The following MDGA2 variants were observed in gnomAD, a reference collection of about 807,000 sequenced individuals.
MDGA2 encodes MAM domain-containing glycosylphosphatidylinositol anchor protein 2.
MDGA2 carries 40 observed loss-of-function variants against 117.8 expected under a neutral mutation model. The ratio of observed to expected loss-of-function variants is 0.34; its 90% CI spans 0.26 to 0.44. MDGA2 has a LOEUF of 0.44. MDGA2 is among the 20% of genes least tolerant of loss of function. The pLI, the probability that MDGA2 is intolerant of heterozygous loss-of-function variation, is 1.00. For synonymous variants in MDGA2, 452 were observed against 439.0 expected (o/e 1.03, Z -0.37); for missense variants, 1,123 against 1,250.6 (o/e 0.90, Z 1.54).
rs192453660 is a variant in MDGA2, at chr14:47,663,349, A to G, written c.280+11168T>C. 5.4e-4 allele frequency among the ~76,000 whole-genome samples: 82 copies of G among 152,316 alleles called. 1 individual carries two copies. The highest frequency in any genetic ancestry group is 1.5e-4 in the Non-Finnish European group (10 of 68,016). On this transcript the variant is annotated intron_variant, in intron 1 of 16. Transcript: ENST00000399232. ...TTGTTGTCTTTCACAGTCCTGAGTA[A>G]AGATTGCCTTCTATGTGGTTAAAGA...
At chr14:46,928,242 CA>C (rs1884405201) in intron 9 of MDGA2, among the ~76,000 whole-genome samples, 2 of 151,978 alleles carry the variant, frequency 1.3e-5, no homozygotes, top group African/African-American at 4.8e-5. Flanking sequence ...AATTCAGTCA[CA>C]AAAACAATAC....
intron 6 of MDGA2, among the ~76,000 whole-genome samples, chr14:47,072,633 T>C (rs1890335288): frequency 6.6e-6 from 1 of 152,188 alleles, no homozygotes; most frequent in Non-Finnish European, 1.5e-5. Flanking sequence ...GAAAGGCAAG[T>C]TATTGGATGA....
rs187858926 is a variant in MDGA2 at position 47,186,197 on chromosome 14, T to A, written c.595+31824A>T. On this transcript the variant is annotated intron_variant, in intron 3 of 16. Coordinates refer to ENST00000399232, the MANE Select transcript of MDGA2 (RefSeq NM_001113498.3). ...ATCTAAATAATTGAAACAATTCATA[T>A]GGTCACAGATAAAAATATTCACTAT... Among the ~76,000 whole-genome samples, 34 of 151,820 alleles carry A rather than the reference T, an allele frequency of 2.2e-4. No individual in the cohort carries two copies. In the East Asian group the frequency reaches 5.8e-3, roughly 26 times the overall value.
intron 1 of MDGA2, among the ~76,000 whole-genome samples, chr14:47,517,422 C>T (rs1394308128): frequency 3.3e-5 from 5 of 151,956 alleles, no homozygotes; most frequent in Non-Finnish European, 7.4e-5. Flanking sequence ...AGGATATTTA[C>T]AGCAAAATAT....
intron 1 of MDGA2, among the ~76,000 whole-genome samples, chr14:47,423,226 G>C (rs1892615185): frequency 6.6e-6 from 1 of 151,872 alleles, no homozygotes; most frequent in Non-Finnish European, 1.5e-5. Context: ...TCTTCTTATT[G>C]GTCATAAAAA....
intron 1 of MDGA2, among the ~76,000 whole-genome samples, chr14:47,449,285 T>C (rs1893191167): frequency 6.6e-6 from 1 of 152,158 alleles, no homozygotes; most frequent in African/African-American, 2.4e-5. Flanking sequence ...GCATATTTCA[T>C]ATTTTAAATT....
chr14:46,966,002 T>C (rs1173861627), intron 8 of MDGA2, among the ~76,000 whole-genome samples: 4 of 152,064 alleles, frequency 2.6e-5, no homozygotes, highest in African/African-American at 9.7e-5. Flanking sequence ...TATTATATTA[T>C]ACAAGTTTTT....
intron 8 of MDGA2, among the ~76,000 whole-genome samples, chr14:46,959,660 C>T (rs17117852): frequency 0.12 from 17,885 of 151,896 alleles, 1,997 homozygotes; most frequent in African/African-American, 0.27. Context: ...TTGTTTTCTG[C>T]TACTCTTTAT....
intron 1 of MDGA2, among the ~76,000 whole-genome samples, chr14:47,510,742 T>C (rs534733208): frequency 6.6e-6 from 1 of 152,314 alleles, no homozygotes; most frequent in Non-Finnish European, 1.5e-5. Context: ...TGTCAATAAA[T>C]CCTTACAGGA....
intron 1 of MDGA2, among the ~76,000 whole-genome samples, chr14:47,554,341 T>G (rs1338355656): frequency 6.6e-6 from 1 of 152,214 alleles, no homozygotes; most frequent in Non-Finnish European, 1.5e-5. Flanking sequence ...TGTTTGTTCG[T>G]TTTCTCTTAT....
At chr14:47,618,693 C>A (rs1055462914) in intron 1 of MDGA2, among the ~76,000 whole-genome samples, 1 of 152,044 alleles carries the variant, frequency 6.6e-6, no homozygotes, top group African/African-American at 2.4e-5. Flanking sequence ...TTTTAACTGG[C>A]CACAAAATTA....
At chr14:47,639,768 TC>T (rs2138242801) in intron 1 of MDGA2, among the ~76,000 whole-genome samples, 1 of 152,226 alleles carries the variant, frequency 6.6e-6, no homozygotes, top group South Asian at 2.1e-4. Context: ...CCAACAACAA[TC>T]CGTCAAAATG....
rs78495750 is a variant in MDGA2, at chr14:47,473,109, A to G, written c.281-171559T>C. Reference sequence around the variant, plus strand: ...AGGACACCTGGGCGCAAGGTGTGCCATGAGTTTATGAGGATAAATAGAAGG... The same window carrying G: ...AGGACACCTGGGCGCAAGGTGTGCCGTGAGTTTATGAGGATAAATAGAAGG... On this transcript the variant is annotated intron_variant, in intron 1 of 16. Coordinates refer to ENST00000399232, the MANE Select transcript of MDGA2 (RefSeq NM_001113498.3). Among the ~76,000 whole-genome samples, 429 of 152,300 alleles carry G rather than the reference A, an allele frequency of 2.8e-3. 1 individual carries two copies. The highest frequency in any genetic ancestry group is 9.8e-3 in the African/African-American group (407 of 41,580).
chr14:47,495,048 T>C (rs1032668210), intron 1 of MDGA2, among the ~76,000 whole-genome samples: 1 of 151,928 alleles, frequency 6.6e-6, no homozygotes, highest in African/African-American at 2.4e-5. Flanking sequence ...TTTGTATGGG[T>C]ATATACACAC....
At chr14:47,633,776 T>C (rs1316065758) in intron 1 of MDGA2, among the ~76,000 whole-genome samples, 1 of 152,194 alleles carries the variant, frequency 6.6e-6, no homozygotes, top group African/African-American at 2.4e-5. Context: ...TTTAAATATA[T>C]GATAGACCAT....
At chr14:47,597,541 T>G (rs1337261080) in intron 1 of MDGA2, among the ~76,000 whole-genome samples, 2 of 152,098 alleles carry the variant, frequency 1.3e-5, no homozygotes, top group Non-Finnish European at 2.9e-5. Context: ...TTTGTATTTT[T>G]ATATCTCAGA....
chr14:47,186,972 C>T (rs1884934981), intron 3 of MDGA2, among the ~76,000 whole-genome samples: 1 of 151,856 alleles, frequency 6.6e-6, no homozygotes, highest in South Asian at 2.1e-4. Flanking sequence ...CTACAATGAG[C>T]CTGGGCCAAT....
intron 1 of MDGA2, among the ~76,000 whole-genome samples, chr14:47,424,804 C>T (rs1313921601): frequency 1.3e-5 from 2 of 152,154 alleles, no homozygotes; most frequent in African/African-American, 4.8e-5. Context: ...TAGAAGTTCT[C>T]ATTCTCCACC....
Position 47,004,119 on chromosome 14 carries a change from TA to T in MDGA2, c.1819+30891del, listed in dbSNP as rs546806372. ...AGAACTGCATAATGAAACAATGGCT[TA>T]AAAATAGATAAAATTTGAATTGACA... On this transcript the variant is annotated intron_variant, in intron 8 of 16. Transcript: ENST00000399232. Among the ~76,000 whole-genome samples the T allele has an allele frequency of 3.6e-3, 545 of 151,980 alleles. 4 individuals carry two copies. Among genetic ancestry groups the T allele is most frequent in the Non-Finnish European group, 6.5e-3 (440 of 67,846 alleles).
Sources: gnomAD v4.1 joint callset for allele counts (sites outside exome capture counted in the v4.1 genomes callset) on GRCh38, gnomAD v4.1.1 for gene constraint, MANE v1.5 for transcripts, NCBI Gene and HGNC (gene_info 2026-07-23, HGNC 2026-07-21) for gene names.